Variants in TAF1B observed in about 807,000 individuals in gnomAD.
The protein encoded by TAF1B is TATA-box binding protein associated factor, RNA polymerase I subunit B.
TAF1B carries 61 observed loss-of-function variants against 83.9 expected under a neutral mutation model. That is an observed-to-expected ratio of 0.73 (90% CI 0.59 to 0.90). The LOEUF (loss-of-function observed/expected upper bound fraction) is 0.90, where lower values mean the gene tolerates loss of function less well. Ranked by LOEUF, TAF1B falls within the 40% of genes least tolerant of loss-of-function variation. The pLI is 0.00. For synonymous variants in TAF1B, 221 were observed against 224.6 expected, an observed-to-expected ratio of 0.98 and a Z score of 0.14; for missense variants, 625 against 677.0, an observed-to-expected ratio of 0.92 and a Z score of 0.85.
rs557940178 is a variant in TAF1B, at chr2:9,918,548, C to A, written c.1272-493C>A. Among the ~76,000 whole-genome samples, 6 of 152,330 alleles carry A rather than the reference C, an allele frequency of 3.9e-5. No homozygotes were observed. The East Asian group carries it at 1.2e-3, about 29-fold the overall frequency. On this transcript the variant is annotated intron_variant, in intron 12 of 14. Transcript: ENST00000263663. ...GGACTGTGTCATCCTGGAATCCAGT[C>A]TTTTCCTCTCCTTTACACCAGGAAT...
In TAF1B at chr2:9,904,717, A is replaced by G. The variant is rs546310665; in HGVS notation, c.808-142A>G. Reference sequence around the variant, plus strand: ...ATTTACGTTCCTGCCAGCAGTGCATAAGTGTTCCTTTTTCTGCACAACTTC... The same window carrying G: ...ATTTACGTTCCTGCCAGCAGTGCATGAGTGTTCCTTTTTCTGCACAACTTC... On this transcript the variant is annotated intron_variant, in intron 8 of 14. Transcript: ENST00000263663. 6.5e-6 allele frequency: 5 copies of G among 765,872 alleles called. No homozygotes were observed. In the Admixed American group the frequency reaches 1.1e-4, roughly 17 times the overall value. 47.4% of individuals were successfully genotyped at this position (765,872 alleles called of 1,614,324 possible). A position where few individuals can be genotyped will look rare whatever the true frequency, so the allele number is the denominator to read the frequency against.
intron 8 of TAF1B, among the ~76,000 whole-genome samples, chr2:9,902,001 C>T (rs1665191263): frequency 6.6e-6 from 1 of 152,026 alleles, no homozygotes; most frequent in African/African-American, 2.4e-5. Context: ...AAACTGAAGG[C>T]ATTTTTCCTA....
chr2:9,882,855 G>T (rs1464636995), intron 8 of TAF1B, 50 bp downstream of exon 8: 8 of 1,305,382 alleles, frequency 6.1e-6, no homozygotes, highest in Non-Finnish European at 8.5e-6. Context: ...GCACAAGAGT[G>T]GTATGATAAT....
chr2:9,896,642 A>AAAAAT lies in TAF1B; in HGVS notation c.808-8217_808-8216insAAAAT, dbSNP rs66506343. ...AACCAAAAAAAAAAAAAAAAAAAAA[A>AAAAAT]GCTTTAAAAACCCTTTTCAAACCTT... On this transcript the variant is annotated intron_variant, in intron 8 of 14. Transcript: ENST00000263663. 5.4e-5 allele frequency among the ~76,000 whole-genome samples: 7 copies of AAAAAT among 130,170 alleles called. No homozygotes were observed. In the South Asian group the frequency reaches 7.6e-4, roughly 14 times the overall value. The allele number at this position is 130,170 out of a possible 152,430, so 85.4% of individuals were successfully genotyped here.
chr2:9,921,451 C>T (rs1192189685), intron 14 of TAF1B, among the ~76,000 whole-genome samples: 1 of 152,166 alleles, frequency 6.6e-6, no homozygotes, highest in African/African-American at 2.4e-5. Flanking sequence ...GAACATATTA[C>T]TCCCCAGAGC....
In TAF1B at chr2:9,916,913, C is replaced by T. The variant is rs181328569; in HGVS notation, c.1272-2128C>T. Among the ~76,000 whole-genome samples the T allele has an allele frequency of 2.8e-3, 393 of 140,310 alleles. 1 individual carries two copies. Among genetic ancestry groups the T allele is most frequent in the African/African-American group, 9.3e-3 (364 of 39,232 alleles). The allele number at this position is 140,310 out of a possible 152,430, so 92.0% of individuals were successfully genotyped here. ...GAGTGCTGGAGTGCAATGACACGAT[C>T]TCGGCCCACCGCAACTTCCGCCTCC... On this transcript the variant is annotated intron_variant, in intron 12 of 14. Transcript: ENST00000263663.
At chr2:9,903,550 C>T (rs372105468) in intron 8 of TAF1B, among the ~76,000 whole-genome samples, 1 of 152,142 alleles carries the variant, frequency 6.6e-6, no homozygotes, top group African/African-American at 2.4e-5. Flanking sequence ...TTGTTCATAG[C>T]TTTTCTGAAC....
intron 5 of TAF1B, among the ~76,000 whole-genome samples, chr2:9,864,958 CTA>C (rs1663919906): frequency 6.6e-6 from 1 of 152,148 alleles, no homozygotes; most frequent in African/African-American, 2.4e-5. Flanking sequence ...TAAGAGCTAT[CTA>C]TGACAAGCCC....
At chr2:9,853,524 G>A (rs987604646) in intron 4 of TAF1B, among the ~76,000 whole-genome samples, 1 of 151,648 alleles carries the variant, frequency 6.6e-6, no homozygotes, top group Admixed American at 6.6e-5. Flanking sequence ...CTGGAGTGCA[G>A]TGACCTGATC....
Position 9,882,642 on chromosome 2 carries a change from A to C in TAF1B, c.708-64A>C, listed in dbSNP as rs1211470011. On this transcript the variant is annotated intron_variant, in intron 7 of 14. Coordinates refer to ENST00000263663, the MANE Select transcript of TAF1B (RefSeq NM_005680.3). ...TCTTTGAATTAAGAGATTTTTCTTAAAGCATTTACTCTGCTATATCAGTAT... is the reference window on the plus strand; with the variant it reads ...TCTTTGAATTAAGAGATTTTTCTTACAGCATTTACTCTGCTATATCAGTAT... The C allele has an allele frequency of 1.3e-5, 14 of 1,043,000 alleles. No individual in the cohort carries two copies. The Admixed American group carries it at 3.2e-4, about 24-fold the overall frequency. The allele number at this position is 1,043,000 out of a possible 1,614,324, so 64.6% of individuals were successfully genotyped here. A position where few individuals can be genotyped will look rare whatever the true frequency, so the allele number is the denominator to read the frequency against.
At chr2:9,846,077 T>A (rs1417373281) in intron 2 of TAF1B, 2 of 471,036 alleles carry the variant, frequency 4.2e-6, no homozygotes, top group African/African-American at 4.0e-5. Flanking sequence ...ATTACAAAGT[T>A]TTTGGATCCA....
chr2:9,884,702 TG>T (rs1664618368), intron 8 of TAF1B, among the ~76,000 whole-genome samples: 2 of 152,126 alleles, frequency 1.3e-5, no homozygotes, highest in Admixed American at 6.5e-5. Flanking sequence ...TGCATCCCAT[TG>T]TCTTCCCAGC....
intron 5 of TAF1B, among the ~76,000 whole-genome samples, chr2:9,865,771 A>G (rs1311645443): frequency 1.3e-5 from 2 of 151,786 alleles, no homozygotes. Flanking sequence ...GAGCCATCAG[A>G]AATAATGCTG....
intron 3 of TAF1B, among the ~76,000 whole-genome samples, chr2:9,851,124 A>G (rs1220475515): frequency 2.0e-5 from 3 of 152,114 alleles, no homozygotes; most frequent in African/African-American, 7.2e-5. Context: ...TTCATTTAGG[A>G]TTCTGCTGGG....
chr2:9,845,570 G>T, intron 2 of TAF1B: 1 of 351,480 alleles, frequency 2.8e-6, no homozygotes, highest in Non-Finnish European at 5.4e-6. Flanking sequence ...TGTGGTTGAG[G>T]GAAATAATTA....
chr2:9,897,301 C>A (rs1422636960), intron 8 of TAF1B, among the ~76,000 whole-genome samples: 1 of 152,074 alleles, frequency 6.6e-6, no homozygotes, highest in Admixed American at 6.6e-5. Context: ...CCTTGATTTT[C>A]TTGATATATT....
chr2:9,866,951 G>T (rs943320121), intron 5 of TAF1B, among the ~76,000 whole-genome samples: 1 of 152,074 alleles, frequency 6.6e-6, no homozygotes, highest in Non-Finnish European at 1.5e-5. Context: ...TGGGTGGAGG[G>T]GGGAGGGATA....
chr2:9,933,746 A>G, intron 14 of TAF1B, 37 bp from the exon 15 acceptor site: 1 of 1,550,636 alleles, frequency 6.4e-7, no homozygotes, highest in Middle Eastern at 2.1e-4. Flanking sequence ...CTTGGTTACC[A>G]TCTAAAGATA....
intron 12 of TAF1B, among the ~76,000 whole-genome samples, chr2:9,918,387 C>A (rs1000107915): frequency 6.6e-6 from 1 of 152,130 alleles, no homozygotes; most frequent in Non-Finnish European, 1.5e-5. Context: ...TCTGTAGGAA[C>A]CTTAGATGGC....
Sources: allele counts gnomAD v4.1 joint callset (sites outside exome capture counted in the v4.1 genomes callset), GRCh38; gene constraint gnomAD v4.1.1; transcripts MANE v1.5; gene names NCBI Gene and HGNC (gene_info 2026-07-23, HGNC 2026-07-21).